SLC8A1: variants seen among roughly 807,000 people sequenced by gnomAD.
The protein encoded by SLC8A1 is solute carrier family 8 member A1, also known as sodium/calcium exchanger 1.
A neutral mutation model predicts 68.3 loss-of-function variants in SLC8A1; 18 were observed. That is an observed-to-expected ratio of 0.26 (90% CI 0.18 to 0.39). The LOEUF (loss-of-function observed/expected upper bound fraction) is 0.39, where lower values mean the gene tolerates loss of function less well. SLC8A1 is among the 10% of genes least tolerant of loss of function. SLC8A1 has a pLI of 1.00. For synonymous variants in SLC8A1, 475 were observed against 415.5 expected (o/e 1.14, Z -1.74); for missense variants, 985 against 1,156.7 (o/e 0.85, Z 2.15).
At chr2:40,437,950 C>T (rs1260450567) in intron 1 of SLC8A1, among the ~76,000 whole-genome samples, 1 of 152,100 alleles carries the variant, frequency 6.6e-6, no homozygotes, top group African/African-American at 2.4e-5. Flanking sequence ...CCTTCCATTA[C>T]TAGAGATTCA....
At chr2:40,419,747 A>G (rs1027430439) in intron 2 of SLC8A1, among the ~76,000 whole-genome samples, 38 of 152,246 alleles carry the variant, frequency 2.5e-4, no homozygotes, top group African/African-American at 8.4e-4. Context: ...ATTAAACCCT[A>G]TGCAAATAGG....
chr2:40,374,735 CT>C (rs1679246955), intron 2 of SLC8A1, among the ~76,000 whole-genome samples: 2 of 152,010 alleles, frequency 1.3e-5, no homozygotes, highest in African/African-American at 2.4e-5. Context: ...CTGTATCAGC[CT>C]GGCCTGATAC....
At chr2:40,264,972 G>C (rs937752535) in intron 2 of SLC8A1, among the ~76,000 whole-genome samples, 1 of 152,140 alleles carries the variant, frequency 6.6e-6, no homozygotes. Context: ...GAGCACAGGG[G>C]AAGATACACT....
chr2:40,105,192 A>G (rs2034119795), exon 8 of SLC8A1: 1 of 152,226 alleles, frequency 6.6e-6, no homozygotes, highest in African/African-American at 2.4e-5. Context: ...ACTGGGAACC[A>G]TGATAGATAA....
intron 2 of SLC8A1, among the ~76,000 whole-genome samples, chr2:40,347,636 T>C (rs1165462428): frequency 6.6e-6 from 1 of 152,256 alleles, no homozygotes; most frequent in East Asian, 1.9e-4. Context: ...AGACTTCTAA[T>C]TGTCTATAAC....
chr2:40,362,473 T>A (rs962862251), intron 2 of SLC8A1, among the ~76,000 whole-genome samples: 1 of 152,164 alleles, frequency 6.6e-6, no homozygotes, highest in Non-Finnish European at 1.5e-5. Context: ...GAATGCATCA[T>A]TGTGCTACTA....
intron 7 of SLC8A1, among the ~76,000 whole-genome samples, chr2:40,134,397 A>G (rs1553348648): frequency 2.0e-5 from 3 of 151,994 alleles, no homozygotes; most frequent in Non-Finnish European, 1.5e-5. Flanking sequence ...TGGTCTACCT[A>G]AAGTTTTAAA....
At chr2:40,417,658 G>A (rs1694274470) in intron 2 of SLC8A1, among the ~76,000 whole-genome samples, 1 of 152,058 alleles carries the variant, frequency 6.6e-6, no homozygotes, top group African/African-American at 2.4e-5. Flanking sequence ...ACAGGCTTAA[G>A]CCACAGGGAT....
intron 2 of SLC8A1, among the ~76,000 whole-genome samples, chr2:40,191,259 T>C (rs557557436): frequency 1.3e-5 from 2 of 152,326 alleles, no homozygotes; most frequent in East Asian, 3.9e-4. Flanking sequence ...CCACTAACTG[T>C]GGACTCTCAC....
At chr2:40,130,824 A>C (rs143214326) in intron 7 of SLC8A1, among the ~76,000 whole-genome samples, 1 of 152,216 alleles carries the variant, frequency 6.6e-6, no homozygotes, top group Non-Finnish European at 1.5e-5. Flanking sequence ...TGAAATGTCA[A>C]TGTTGAGAGG....
intron 2 of SLC8A1, among the ~76,000 whole-genome samples, chr2:40,297,721 T>C (rs2070684245): frequency 6.6e-6 from 1 of 152,170 alleles, no homozygotes; most frequent in Non-Finnish European, 1.5e-5. Flanking sequence ...AAATGCCTTA[T>C]TGAAAGTGCA....
chr2:40,228,715 AG>A (rs2059294224), intron 2 of SLC8A1, among the ~76,000 whole-genome samples: 1 of 152,190 alleles, frequency 6.6e-6, no homozygotes, highest in Admixed American at 6.5e-5. Flanking sequence ...TGTTGAACGC[AG>A]AAATGGTAGG....
chr2:40,315,661 ATGTCAC>A (rs2074347830), intron 2 of SLC8A1, among the ~76,000 whole-genome samples: 1 of 152,016 alleles, frequency 6.6e-6, no homozygotes, highest in South Asian at 2.1e-4. Context: ...ATGCTCTTTA[ATGTCAC>A]TGTCTTGTCT....
intron 2 of SLC8A1, among the ~76,000 whole-genome samples, chr2:40,349,691 G>T (rs1670452234): frequency 6.6e-6 from 1 of 152,140 alleles, no homozygotes; most frequent in Admixed American, 6.6e-5. Context: ...AAGAATCAAA[G>T]CTGTGGCCTA....
intron 2 of SLC8A1, among the ~76,000 whole-genome samples, chr2:40,413,812 T>C (rs971639968): frequency 4.6e-5 from 7 of 152,172 alleles, no homozygotes; most frequent in Non-Finnish European, 8.8e-5. Flanking sequence ...TACTAATCCT[T>C]GGATAAATAT....
chr2:40,264,564 G>A (rs890329294), intron 2 of SLC8A1, among the ~76,000 whole-genome samples: 6 of 152,150 alleles, frequency 3.9e-5, no homozygotes, highest in Non-Finnish European at 5.9e-5. Context: ...CACGGATGAA[G>A]CTGGAAACCA....
chr2:40,147,652 C>A (rs190276194), intron 6 of SLC8A1, among the ~76,000 whole-genome samples: 51 of 152,250 alleles, frequency 3.3e-4, no homozygotes, highest in Non-Finnish European at 4.4e-5. Context: ...AGTCGTGAAG[C>A]AACTGTTTGG....
chr2:40,412,189 A>G (rs565687660), intron 2 of SLC8A1, among the ~76,000 whole-genome samples: 24 of 152,246 alleles, frequency 1.6e-4, no homozygotes, highest in African/African-American at 3.6e-4. Flanking sequence ...ATGTCAGAAT[A>G]TATTAATGTC....
intron 2 of SLC8A1, among the ~76,000 whole-genome samples, chr2:40,207,517 TATAATAAA>T (rs1248483732): frequency 6.6e-6 from 1 of 152,056 alleles, no homozygotes; most frequent in Non-Finnish European, 1.5e-5. Context: ...TGATCCAAGG[TATAATAAA>T]ATATTTTTTT....
Sources: gnomAD v4.1 joint callset for allele counts (sites outside exome capture counted in the v4.1 genomes callset) on GRCh38, gnomAD v4.1.1 for gene constraint, MANE v1.5 for transcripts, NCBI Gene and HGNC (gene_info 2026-07-23, HGNC 2026-07-21) for gene names.